Variants in STK32B observed in about 807,000 individuals in gnomAD.
STK32B encodes serine/threonine-protein kinase 32B.
A neutral mutation model predicts 52.6 loss-of-function variants in STK32B; 43 were observed. The observed-to-expected ratio is 0.82, with a 90% CI of 0.64 to 1.05. The LOEUF (loss-of-function observed/expected upper bound fraction) is 1.05. STK32B is among the 50% of genes least tolerant of loss of function. STK32B has a pLI of 0.00. For synonymous variants in STK32B, 238 were observed against 204.3 expected, an observed-to-expected ratio of 1.17 and a Z score of -1.41; for missense variants, 621 against 534.6, an observed-to-expected ratio of 1.16 and a Z score of -1.59.
At chr4:5,480,778 T>G (rs1718628333) in intron 11 of STK32B, among the ~76,000 whole-genome samples, 1 of 149,840 alleles carries the variant, frequency 6.7e-6, no homozygotes, top group African/African-American at 2.4e-5. Context: ...TTCCCCTTCC[T>G]GTGTCCATGT....
intron 4 of STK32B, among the ~76,000 whole-genome samples, chr4:5,348,808 C>T (rs770883049): frequency 2.6e-5 from 4 of 152,178 alleles, no homozygotes; most frequent in Non-Finnish European, 4.4e-5. Context: ...CACAGCTTCA[C>T]CCCTCACCAG....
In STK32B at chr4:5,398,414, T is replaced by C. The variant is rs1214012786; in HGVS notation, c.472+170T>C. On this transcript the variant is annotated intron_variant, in intron 5 of 11. Coordinates refer to ENST00000282908, the MANE Select transcript of STK32B (RefSeq NM_018401.3). The surrounding 1 kb of genome is among the most constrained non-coding windows in gnomAD (Gnocchi z 4.9). ...AACATCTGTGTAAATTTCTGGTCCA[T>C]GTCCTGCCGTGGTAAGTTGAATCAA... Among the ~76,000 whole-genome samples the C allele has an allele frequency of 6.6e-6, 1 of 152,192 alleles. No homozygotes were observed. Among genetic ancestry groups the C allele is most frequent in the African/African-American group, 2.4e-5 (1 of 41,434 alleles).
chr4:5,203,356 C>T (rs1395800973), intron 3 of STK32B, among the ~76,000 whole-genome samples: 1 of 151,152 alleles, frequency 6.6e-6, no homozygotes, highest in East Asian at 1.9e-4. Flanking sequence ...CAATTTTTGC[C>T]CATTCTATTC....
chr4:5,318,431 G>A (rs184761021), intron 3 of STK32B, among the ~76,000 whole-genome samples: 6 of 151,798 alleles, frequency 4.0e-5, no homozygotes, highest in African/African-American at 1.5e-4. Flanking sequence ...TCTCAACCCT[G>A]GAACAGAAAG....
At chr4:5,029,150 GAC>G in the STK32B span, among the ~76,000 whole-genome samples, 1 of 152,138 alleles carries the variant, frequency 6.6e-6, no homozygotes. Context: ...TTTGGGTGGA[GAC>G]ACAGATCCTA....
intron 3 of STK32B, among the ~76,000 whole-genome samples, chr4:5,249,452 T>C (rs868682830): frequency 4.2e-4 from 26 of 61,214 alleles, no homozygotes; most frequent in South Asian, 5.3e-4. Flanking sequence ...CCTTCCTTCC[T>C]TCCTTCCTTC....
At chr4:5,393,622 G>A (rs1238094111) in intron 4 of STK32B, among the ~76,000 whole-genome samples, 1 of 152,112 alleles carries the variant, frequency 6.6e-6, no homozygotes, top group Non-Finnish European at 1.5e-5. Flanking sequence ...TGGGGGAGGT[G>A]CTACACACTT....
chr4:5,242,467 C>G (rs2108819162), intron 3 of STK32B, among the ~76,000 whole-genome samples: 1 of 152,184 alleles, frequency 6.6e-6, no homozygotes, highest in Non-Finnish European at 1.5e-5. Flanking sequence ...ATTGTAGATT[C>G]TGGATATTAG....
At chr4:5,354,678 AACTTAAAAT>A (rs1170076614) in intron 4 of STK32B, among the ~76,000 whole-genome samples, 5 of 152,222 alleles carry the variant, frequency 3.3e-5, no homozygotes, top group Admixed American at 6.5e-5. Context: ...GTTCCCTTAA[AACTTAAAAT>A]ACTTAAAATA....
rs1313972729 is a variant in STK32B at position 5,482,192 on chromosome 4, C to A, written c.1106+14122C>A. ...ACCTTGGGCAGTATGGCCATTTTCA[C>A]GATATTGATTCTTCCTACCCATGAA... On this transcript the variant is annotated intron_variant, in intron 11 of 11. Transcript: ENST00000282908. 5.9e-5 allele frequency among the ~76,000 whole-genome samples: 9 copies of A among 152,228 alleles called. 1 individual carries two copies. The South Asian group carries it at 1.9e-3, about 32-fold the overall frequency.
At chr4:5,403,657 T>C (rs1737462562) in intron 5 of STK32B, among the ~76,000 whole-genome samples, 1 of 152,206 alleles carries the variant, frequency 6.6e-6, no homozygotes, top group Non-Finnish European at 1.5e-5. Flanking sequence ...TGTTGATAAA[T>C]GTGATGAGTG....
At chr4:5,021,255 G>A in the STK32B span, among the ~76,000 whole-genome samples, 4 of 152,330 alleles carry the variant, frequency 2.6e-5, no homozygotes, top group Non-Finnish European at 5.9e-5. Flanking sequence ...CTAGTTTCTG[G>A]TGGTAAAAGC....
chr4:5,054,002 AAT>A (rs1198972673), intron 1 of STK32B, among the ~76,000 whole-genome samples: 9 of 150,840 alleles, frequency 6.0e-5, no homozygotes, highest in African/African-American at 1.9e-4. Context: ...TAAATAAATA[AAT>A]ATAAATAAAT....
chr4:5,488,127 T>A (rs1348918829), intron 11 of STK32B, among the ~76,000 whole-genome samples: 1 of 152,118 alleles, frequency 6.6e-6, no homozygotes, highest in East Asian at 1.9e-4. Flanking sequence ...GGTGAAACAC[T>A]GTCTCTACTA....
intron 3 of STK32B, among the ~76,000 whole-genome samples, chr4:5,173,475 A>T (rs1267919515): frequency 6.6e-6 from 1 of 151,964 alleles, no homozygotes. Context: ...ACTGCTTTGA[A>T]TGTGTCCCAG....
intron 3 of STK32B, among the ~76,000 whole-genome samples, chr4:5,304,120 C>A (rs1311697655): frequency 6.6e-6 from 1 of 152,038 alleles, no homozygotes; most frequent in Non-Finnish European, 1.5e-5. Flanking sequence ...GCAGTGCCTC[C>A]AGATTTGTTC....
intron 9 of STK32B, among the ~76,000 whole-genome samples, chr4:5,462,906 T>G (rs1717147520): frequency 6.6e-6 from 1 of 152,162 alleles, no homozygotes; most frequent in African/African-American, 2.4e-5. Flanking sequence ...CCAATAAACC[T>G]ACAAAGACAG....
intron 2 of STK32B, among the ~76,000 whole-genome samples, chr4:5,152,098 T>C (rs1240438078): frequency 6.6e-6 from 1 of 152,232 alleles, no homozygotes; most frequent in African/African-American, 2.4e-5. Flanking sequence ...TCAGTTATCA[T>C]GCACTGTAAG....
At chr4:5,036,992 A>G in the STK32B span, among the ~76,000 whole-genome samples, 1 of 152,170 alleles carries the variant, frequency 6.6e-6, no homozygotes, top group African/African-American at 2.4e-5. Flanking sequence ...ATTGCACACA[A>G]CAGCTCTCTG....
Sources: gnomAD v4.1 joint callset for allele counts (sites outside exome capture counted in the v4.1 genomes callset) on GRCh38, gnomAD v4.1.1 for gene constraint, Gnocchi (gnomAD v3.1) non-coding constraint, MANE v1.5 for transcripts, NCBI Gene and HGNC (gene_info 2026-07-23, HGNC 2026-07-21) for gene names.